The following TACC1 variants were observed in gnomAD, a reference collection of about 807,000 sequenced individuals.
The protein encoded by TACC1 is transforming acidic coiled-coil containing protein 1, also known as transforming acidic coiled-coil-containing protein 1.
TACC1 carries 48 observed loss-of-function variants against 84.4 expected under a neutral mutation model. That is an observed-to-expected ratio of 0.57 (90% CI 0.45 to 0.72). TACC1 has a LOEUF of 0.72. Ranked by LOEUF, TACC1 falls within the 30% of genes least tolerant of loss-of-function variation. The pLI, the probability that TACC1 is intolerant of heterozygous loss-of-function variation, is 0.00. For missense variants in TACC1, 920 were observed against 973.0 expected, an observed-to-expected ratio of 0.95 and a Z score of 0.72; for synonymous variants, 372 against 376.3, an observed-to-expected ratio of 0.99 and a Z score of 0.13.
At chr8:38,819,275 T>C (rs1336859968) in intron 2 of TACC1, among the ~76,000 whole-genome samples, 1 of 152,248 alleles carries the variant, frequency 6.6e-6, no homozygotes, top group Non-Finnish European at 1.5e-5. Flanking sequence ...ATAGCTCTTT[T>C]GGTGTACTTA....
At chr8:38,749,629 T>C (rs1182343001) in intron 3 of TACC1, among the ~76,000 whole-genome samples, 1 of 152,172 alleles carries the variant, frequency 6.6e-6, no homozygotes, top group Non-Finnish European at 1.5e-5. Flanking sequence ...TCTCAGTCTG[T>C]CGCCCAGGCT....
chr8:38,743,296 A>ATGAATGAG (rs554228752), intron 2 of TACC1, among the ~76,000 whole-genome samples: 5 of 97,208 alleles, frequency 5.1e-5, no homozygotes, highest in Admixed American at 3.8e-4. Flanking sequence ...TATTTGTTGA[A>ATGAATGAG]TGAATGAATG....
At position 38,846,469 on chromosome 8, in the gene TACC1, T is replaced by C. The variant is rs1014440633; in HGVS notation, c.2229-230T>C. ...AAAAAAAAAAAATCTAAGACTGTTATAGAAACCATTTGCTAGTGAGATACA... is the reference window on the plus strand; with the variant it reads ...AAAAAAAAAAAATCTAAGACTGTTACAGAAACCATTTGCTAGTGAGATACA... On this transcript the variant is annotated intron_variant, in intron 11 of 12. Coordinates refer to ENST00000317827, the MANE Select transcript of TACC1 (RefSeq NM_006283.3). 15 of 424,134 alleles carry C rather than the reference T, an allele frequency of 3.5e-5. No individual in the cohort carries two copies. In the East Asian group the frequency reaches 4.0e-4, roughly 11 times the overall value. 26.3% of individuals were successfully genotyped at this position (424,134 alleles called of 1,614,324 possible).
intron 6 of TACC1, among the ~76,000 whole-genome samples, chr8:38,832,676 G>A (rs1829492639): frequency 1.3e-5 from 2 of 152,192 alleles, no homozygotes; most frequent in South Asian, 2.1e-4. Context: ...TTGCTTTTCA[G>A]CTGTTGTTCC....
chr8:38,782,170 A>T (rs1816136508), intron 3 of TACC1, among the ~76,000 whole-genome samples: 1 of 150,040 alleles, frequency 6.7e-6, no homozygotes. Flanking sequence ...TCCCTCACCC[A>T]TCCCCCCACC....
intron 2 of TACC1, among the ~76,000 whole-genome samples, chr8:38,809,432 C>G (rs2152117557): frequency 1.3e-5 from 2 of 152,240 alleles, no homozygotes; most frequent in East Asian, 3.9e-4. Flanking sequence ...GCTCCTTTTT[C>G]TTTCCTCCCC....
At chr8:38,783,102 C>CTATATATA (rs779724480), upstream of TACC1, among the ~76,000 whole-genome samples, 9 of 97,200 alleles carry the variant, frequency 9.3e-5, no homozygotes, top group Non-Finnish European at 9.0e-5. Context: ...ATCTATCTAT[C>CTATATATA]TATCTATATA....
chr8:38,832,480 A>G (rs1233267901), intron 6 of TACC1, among the ~76,000 whole-genome samples: 1 of 152,250 alleles, frequency 6.6e-6, no homozygotes, highest in Non-Finnish European at 1.5e-5. Context: ...ACATTGAATA[A>G]ACATTGTATA....
In TACC1 at chr8:38,842,340, A is replaced by G. The variant is rs773245359; in HGVS notation, c.2014A>G (p.Met672Val). Residue 672 changes from methionine to valine, a missense_variant, in exon 10 of 13, where the codon ATG (methionine) becomes GTG (valine). Physicochemically the swap from Met to Val is conservative, Grantham distance 21. This residue lies in a region of TACC1 where 158 missense variants were observed against 225.6 expected (regional missense o/e 0.70). Transcript: ENST00000317827. Reference protein sequence around the residue: ...TSQKSFQQLTMEKEQALADLN... With the variant: ...TSQKSFQQLTVEKEQALADLN... Reference sequence around the variant, plus strand: ...TCAGAAGAGCTTCCAGCAACTGACCATGGAGAAGGAACAGGCCCTGGCTGA... The same window carrying G: ...TCAGAAGAGCTTCCAGCAACTGACCGTGGAGAAGGAACAGGCCCTGGCTGA... 5 of 1,614,216 alleles carry G rather than the reference A, an allele frequency of 3.1e-6. No homozygotes were observed. The highest frequency in any genetic ancestry group is 2.2e-5 in the East Asian group (1 of 44,884).
At chr8:38,800,837 T>G (rs1167522596) in intron 2 of TACC1, among the ~76,000 whole-genome samples, 1 of 152,222 alleles carries the variant, frequency 6.6e-6, no homozygotes, top group African/African-American at 2.4e-5. Context: ...TTTTTCAAAC[T>G]GGCTGCACTA....
intron 3 of TACC1, among the ~76,000 whole-genome samples, chr8:38,768,039 G>T (rs1204759106): frequency 6.7e-6 from 1 of 150,234 alleles, no homozygotes; most frequent in African/African-American, 2.5e-5. Flanking sequence ...CTGCACTCCA[G>T]CCTGGGTGAC....
At chr8:38,750,593 A>G (rs745577414) in intron 3 of TACC1, among the ~76,000 whole-genome samples, 2 of 152,226 alleles carry the variant, frequency 1.3e-5, no homozygotes, top group African/African-American at 4.8e-5. Flanking sequence ...TTAGAGGTAC[A>G]AGGTTGCAGG....
In TACC1 at chr8:38,840,285, T is replaced by G; in HGVS notation, c.1960+18T>G. 3 of 1,609,992 alleles carry G rather than the reference T, an allele frequency of 1.9e-6. No individual in the cohort carries two copies. The highest frequency in any genetic ancestry group is 1.7e-6 in the Non-Finnish European group (2 of 1,176,604). On this transcript the variant is annotated intron_variant, in intron 9 of 12. Transcript: ENST00000317827. ...AATGATTGGTAAGGAGAACATTTTGTTTTTTGAGGGTATGAGCCATAGGAT... is the reference window on the plus strand; with the variant it reads ...AATGATTGGTAAGGAGAACATTTTGGTTTTTGAGGGTATGAGCCATAGGAT...
intron 3 of TACC1, among the ~76,000 whole-genome samples, chr8:38,768,571 G>T (rs1025705681): frequency 2.6e-5 from 4 of 152,122 alleles, no homozygotes; most frequent in African/African-American, 9.7e-5. Context: ...CTTGATAATT[G>T]TGTGTCTTGT....
chr8:38,836,200 GGTGT>G lies in TACC1; in HGVS notation c.1753_1756del (p.Val585ProfsTer24). ...CCTCTGCAGAGAAGGCCCCTGTGTC[GGTGT>G]CCTGTGGAGGTGAGAGCCCCCTGGA... On this transcript the variant is annotated frameshift_variant, in exon 7 of 13. Coordinates refer to ENST00000317827, the MANE Select transcript of TACC1 (RefSeq NM_006283.3). LOFTEE classifies it high-confidence loss of function. 1 of 1,613,372 alleles carries G rather than the reference GGTGT, an allele frequency of 6.2e-7. No homozygotes were observed. Among genetic ancestry groups the G allele is most frequent in the Non-Finnish European group, 8.5e-7 (1 of 1,179,840 alleles).
intron 3 of TACC1, among the ~76,000 whole-genome samples, chr8:38,752,452 C>T (rs144822240): frequency 0.03 from 4,555 of 152,230 alleles, 250 homozygotes; most frequent in African/African-American, 0.1. Context: ...GCCTGGGCGA[C>T]AGAGCGAGAC....
In TACC1 at chr8:38,849,190, G is replaced by A. The variant is rs185580312; in HGVS notation, c.*1167G>A. 2.4e-3 allele frequency: 366 copies of A among 151,810 alleles called. 4 individuals carry two copies. The highest frequency in any genetic ancestry group is 8.3e-3 in the African/African-American group (343 of 41,472). The allele number at this position is 151,810 out of a possible 1,614,324, so 9.4% of individuals were successfully genotyped here. A position where few individuals can be genotyped will look rare whatever the true frequency, so the allele number is the denominator to read the frequency against. ...ATTTTTAACAAAATGAGCAGTAAAA[G>A]TCACATGAACCACTCCAAAAATCAG... On this transcript the variant is annotated 3_prime_UTR_variant, in exon 13 of 13. Coordinates refer to ENST00000317827, the MANE Select transcript of TACC1 (RefSeq NM_006283.3).
At chr8:38,760,767 C>G (rs553029629) in intron 3 of TACC1, among the ~76,000 whole-genome samples, 1 of 152,288 alleles carries the variant, frequency 6.6e-6, no homozygotes, top group Admixed American at 6.5e-5. Context: ...AATGATCCAC[C>G]CACCTCACCC....
intron 6 of TACC1, among the ~76,000 whole-genome samples, 177 bp downstream of exon 6, chr8:38,831,354 T>G (rs1174110476): frequency 1.3e-5 from 2 of 152,186 alleles, no homozygotes; most frequent in Non-Finnish European, 2.9e-5. Flanking sequence ...TAGCCGCAGG[T>G]AGCTGTGGAG....
Sources: allele counts gnomAD v4.1 joint callset (sites outside exome capture counted in the v4.1 genomes callset), GRCh38; gene constraint gnomAD v4.1.1; regional missense constraint gnomAD v4.1.1; transcripts MANE v1.5; gene names NCBI Gene and HGNC (gene_info 2026-07-23, HGNC 2026-07-21).